Variants in CREB5 observed in about 807,000 individuals in gnomAD.
CREB5 encodes the protein cAMP responsive element binding protein 5.
A neutral mutation model predicts 57.1 loss-of-function variants in CREB5; 19 were observed. That is an observed-to-expected ratio of 0.33 (90% CI 0.23 to 0.49). CREB5 has a LOEUF of 0.49. Ranked by LOEUF, CREB5 falls within the 20% of genes least tolerant of loss-of-function variation. The probability of loss-of-function intolerance (pLI) is 0.99; values close to 1 mark genes in which losing one functional copy is unlikely to be tolerated. For missense variants in CREB5, 579 were observed against 671.6 expected (o/e 0.86, Z 1.52); for synonymous variants, 238 against 238.3 (o/e 1.00, Z 0.01).
chr7:28,582,262 T>C (rs1796148341), intron 5 of CREB5, among the ~76,000 whole-genome samples: 1 of 152,190 alleles, frequency 6.6e-6, no homozygotes, highest in African/African-American at 2.4e-5. Flanking sequence ...TTTTCATTTG[T>C]TCTTGGAATT....
intron 1 of CREB5, among the ~76,000 whole-genome samples, chr7:28,341,500 T>C (rs939888738): frequency 2.6e-5 from 4 of 152,216 alleles, no homozygotes; most frequent in African/African-American, 9.6e-5. Flanking sequence ...AGATGTCTAC[T>C]TCCTGGTTGA....
chr7:28,818,633 G>T (rs1809577522), intron 10 of CREB5: 1 of 411,508 alleles, frequency 2.4e-6, no homozygotes, highest in Non-Finnish European at 4.8e-6. Flanking sequence ...TATGTAAAAT[G>T]ATCCCTTCCT....
chr7:28,694,089 G>A (rs1259900225), intron 5 of CREB5, among the ~76,000 whole-genome samples: 1 of 152,140 alleles, frequency 6.6e-6, no homozygotes, highest in Non-Finnish European at 1.5e-5. Flanking sequence ...TTGTTAAGTA[G>A]TAGATTTCTT....
At chr7:28,517,644 G>A (rs143195622) in intron 4 of CREB5, among the ~76,000 whole-genome samples, 476 of 152,298 alleles carry the variant, frequency 3.1e-3, no homozygotes, top group African/African-American at 0.011. Context: ...CTTACAAGCC[G>A]GTTGGGTTGG....
intron 7 of CREB5, among the ~76,000 whole-genome samples, chr7:28,750,602 AC>A (rs1241979809): frequency 6.6e-6 from 1 of 151,648 alleles, no homozygotes; most frequent in Non-Finnish European, 1.5e-5. Flanking sequence ...GAAATATATC[AC>A]TTTTTTTATT....
rs1168174002 is a variant in CREB5 at position 28,367,369 on chromosome 7, T to A, written c.-25+67928T>A. ...GAAGTCATGATTCTCCGGCACCACATCCAACCAACCTGTTCCTCCACAATC... is the reference window on the plus strand; with the variant it reads ...GAAGTCATGATTCTCCGGCACCACAACCAACCAACCTGTTCCTCCACAATC... On this transcript the variant is annotated intron_variant, in intron 1 of 9. Coordinates refer to the CREB5 transcript ENST00000396299. Among the ~76,000 whole-genome samples, 5 of 152,186 alleles carry A rather than the reference T, an allele frequency of 3.3e-5. No individual in the cohort carries two copies. The East Asian group carries it at 9.6e-4, about 29-fold the overall frequency.
chr7:28,714,887 G>T (rs1189155929), intron 5 of CREB5, among the ~76,000 whole-genome samples: 1 of 152,170 alleles, frequency 6.6e-6, no homozygotes, highest in African/African-American at 2.4e-5. Context: ...GAGGCATATG[G>T]TTATTAAAAG....
intron 1 of CREB5, among the ~76,000 whole-genome samples, chr7:28,353,544 A>T (rs994839160): frequency 6.6e-6 from 1 of 152,190 alleles, no homozygotes; most frequent in Non-Finnish European, 1.5e-5. Flanking sequence ...GAAGCAGCAT[A>T]CAAAAATGGG....
chr7:28,435,289 G>C (rs556097091), intron 1 of CREB5, among the ~76,000 whole-genome samples: 38 of 152,092 alleles, frequency 2.5e-4, no homozygotes, highest in African/African-American at 9.2e-4. Flanking sequence ...CCTTGTGTGG[G>C]CTTGTGAAAA....
rs371694151 is a variant in CREB5, at chr7:28,343,901, GGA to G, written c.-25+44462_-25+44463del. Among the ~76,000 whole-genome samples, 3 of 152,170 alleles carry G rather than the reference GGA, an allele frequency of 2.0e-5. No individual in the cohort carries two copies. The South Asian group carries it at 6.2e-4, about 31-fold the overall frequency. On this transcript the variant is annotated intron_variant, in intron 1 of 9. Coordinates refer to the CREB5 transcript ENST00000396299. ...ATTTTTTATTACAGCCATTCCAAGTGGAGTAAAGTGATATCTCACTGTGGTTT... is the reference window on the plus strand; with the variant it reads ...ATTTTTTATTACAGCCATTCCAAGTGGTAAAGTGATATCTCACTGTGGTTT...
At chr7:28,708,925 A>T (rs966402234) in intron 5 of CREB5, among the ~76,000 whole-genome samples, 3 of 152,224 alleles carry the variant, frequency 2.0e-5, no homozygotes, top group African/African-American at 7.2e-5. Context: ...AGCAGCAATC[A>T]CATGTAAATG....
At chr7:28,570,174 G>A (rs983002242) in intron 4 of CREB5, among the ~76,000 whole-genome samples, 191 bp from the exon 5 acceptor site, 13 of 152,128 alleles carry the variant, frequency 8.5e-5, no homozygotes, top group African/African-American at 3.1e-4. Flanking sequence ...TTACTCTAAG[G>A]GTGAGTAGTT....
At chr7:28,307,433 A>G (rs7783051) in intron 1 of CREB5, among the ~76,000 whole-genome samples, 4,367 of 152,288 alleles carry the variant, frequency 0.029, 171 homozygotes, top group African/African-American at 0.098. Context: ...GTTGTCACAA[A>G]AGGGGAGACT....
intron 4 of CREB5, among the ~76,000 whole-genome samples, chr7:28,518,552 A>G (rs966236453): frequency 6.6e-6 from 1 of 152,150 alleles, no homozygotes; most frequent in Non-Finnish European, 1.5e-5. Flanking sequence ...TTGCTCTCTA[A>G]CCAGAGCAAC....
chr7:28,754,712 T>C (rs997728128), intron 7 of CREB5, among the ~76,000 whole-genome samples: 1 of 152,192 alleles, frequency 6.6e-6, no homozygotes, highest in Non-Finnish European at 1.5e-5. Context: ...TGTGAGAACA[T>C]GAAAAAACTT....
chr7:28,552,272 G>C (rs140836207), intron 4 of CREB5, among the ~76,000 whole-genome samples: 44 of 152,254 alleles, frequency 2.9e-4, no homozygotes, highest in African/African-American at 9.4e-4. Flanking sequence ...TCCTGAGCTC[G>C]AGCAATCCAC....
At chr7:28,667,884 T>C (rs1799886559) in intron 5 of CREB5, among the ~76,000 whole-genome samples, 1 of 152,226 alleles carries the variant, frequency 6.6e-6, no homozygotes, top group Admixed American at 6.5e-5. Flanking sequence ...ATTTGGTTCT[T>C]ATTAACAAAG....
chr7:28,391,558 C>T (rs776737042), intron 1 of CREB5, among the ~76,000 whole-genome samples: 1 of 152,146 alleles, frequency 6.6e-6, no homozygotes, highest in Non-Finnish European at 1.5e-5. Flanking sequence ...TGCTCTGTGC[C>T]ACCACAAACT....
At chr7:28,583,069 T>C (rs1370924291) in intron 5 of CREB5, among the ~76,000 whole-genome samples, 2 of 152,200 alleles carry the variant, frequency 1.3e-5, no homozygotes, top group Non-Finnish European at 1.5e-5. Context: ...GGTGTGGAGA[T>C]TGGCCAGGTG....
Sources: allele counts gnomAD v4.1 joint callset (sites outside exome capture counted in the v4.1 genomes callset), GRCh38; gene constraint gnomAD v4.1.1; transcripts MANE v1.5; gene names NCBI Gene and HGNC (gene_info 2026-07-23, HGNC 2026-07-21).